Variants in SUCLG2 observed in about 807,000 individuals in gnomAD.
SUCLG2 encodes the protein succinate-CoA ligase GDP-forming subunit beta, also known as succinate--CoA ligase [GDP-forming] subunit beta, mitochondrial.
In SUCLG2, 42 loss-of-function variants were observed where a neutral mutation model predicts 47.9. That is an observed-to-expected ratio of 0.88 (90% CI 0.69 to 1.14). The LOEUF is 1.14. SUCLG2 is among the 50% of genes most tolerant of loss of function. The probability of loss-of-function intolerance (pLI) is 0.00; values close to 1 mark genes in which losing one functional copy is unlikely to be tolerated. For missense variants in SUCLG2, 571 were observed against 525.9 expected (o/e 1.09, Z -0.84); for synonymous variants, 195 against 197.3 (o/e 0.99, Z 0.10).
intron 2 of SUCLG2, among the ~76,000 whole-genome samples, chr3:67,557,188 C>G (rs190110950): frequency 6.6e-6 from 1 of 152,256 alleles, no homozygotes; most frequent in East Asian, 1.9e-4. Flanking sequence ...AATCTCCTTC[C>G]TAGTATCAAA....
At position 67,510,436 on chromosome 3, in the gene SUCLG2, G is replaced by A. The variant is rs151016391; in HGVS notation, c.661-1533C>T. ...TACATGTATATGATACAAAATTCCC[G>A]AAGAACTTAAGGGTTTTCCCTGATT... On this transcript the variant is annotated intron_variant, in intron 6 of 10. Coordinates refer to ENST00000307227, the MANE Select transcript of SUCLG2 (RefSeq NM_003848.4). 6.7e-3 allele frequency among the ~76,000 whole-genome samples: 1,025 copies of A among 152,082 alleles called. 9 individuals carry two copies. Among genetic ancestry groups the A allele is most frequent in the African/African-American group, 0.024 (977 of 41,468 alleles).
At chr3:67,652,442 T>C (rs1701303427) in intron 1 of SUCLG2, among the ~76,000 whole-genome samples, 1 of 152,192 alleles carries the variant, frequency 6.6e-6, no homozygotes, top group Non-Finnish European at 1.5e-5. Flanking sequence ...GGGCCATGTT[T>C]AACTGCAATG....
chr3:67,417,689 C>T (rs1703066668), intron 9 of SUCLG2, among the ~76,000 whole-genome samples: 1 of 152,016 alleles, frequency 6.6e-6, no homozygotes, highest in African/African-American at 2.4e-5. Context: ...AACACATAAC[C>T]CACAGATGTG....
chr3:67,509,363 T>C (rs1199410496), intron 6 of SUCLG2, among the ~76,000 whole-genome samples: 1 of 152,236 alleles, frequency 6.6e-6, no homozygotes, highest in East Asian at 1.9e-4. Context: ...CAACAATTAC[T>C]GAGTGTCTAA....
chr3:67,552,753 A>C (rs1379685088), intron 2 of SUCLG2, among the ~76,000 whole-genome samples: 2 of 152,238 alleles, frequency 1.3e-5, no homozygotes, highest in East Asian at 3.8e-4. Flanking sequence ...TCAAGGATGC[A>C]ATCTATGTAA....
intron 9 of SUCLG2, among the ~76,000 whole-genome samples, chr3:67,481,343 A>G (rs983073919): frequency 1.3e-5 from 2 of 152,246 alleles, no homozygotes; most frequent in Non-Finnish European, 1.5e-5. Flanking sequence ...GACCACGTGG[A>G]CCAGGACTTC....
intron 2 of SUCLG2, among the ~76,000 whole-genome samples, chr3:67,544,003 C>A (rs1006514502): frequency 6.6e-6 from 1 of 152,086 alleles, no homozygotes; most frequent in Non-Finnish European, 1.5e-5. Context: ...TAAAGAGTCA[C>A]GCAAGAAAAC....
intron 9 of SUCLG2, among the ~76,000 whole-genome samples, chr3:67,414,583 T>C (rs1354431787): frequency 2.6e-5 from 4 of 152,222 alleles, no homozygotes; most frequent in Non-Finnish European, 4.4e-5. Context: ...ATCTATCCAA[T>C]TGTTGCCATG....
chr3:67,415,915 C>G (rs1264367165), intron 9 of SUCLG2, among the ~76,000 whole-genome samples: 1 of 152,184 alleles, frequency 6.6e-6, no homozygotes, highest in African/African-American at 2.4e-5. Flanking sequence ...TATTGGGGCT[C>G]CTTCCTATTT....
chr3:67,605,231 C>T (rs1441188113), intron 2 of SUCLG2, among the ~76,000 whole-genome samples: 1 of 152,168 alleles, frequency 6.6e-6, no homozygotes, highest in African/African-American at 2.4e-5. Flanking sequence ...ATCTTAACCT[C>T]AAATCTATTT....
intron 2 of SUCLG2, among the ~76,000 whole-genome samples, chr3:67,537,102 G>A (rs1559562418): frequency 6.6e-6 from 1 of 152,072 alleles, no homozygotes; most frequent in Non-Finnish European, 1.5e-5. Context: ...CTGCTGGTTT[G>A]TTACATAGGT....
chr3:67,401,333 TTAA>T (rs1702679382), intron 9 of SUCLG2, among the ~76,000 whole-genome samples: 1 of 152,156 alleles, frequency 6.6e-6, no homozygotes, highest in African/African-American at 2.4e-5. Context: ...TCATGCTTCC[TTAA>T]TACCTCTTTG....
intron 9 of SUCLG2, among the ~76,000 whole-genome samples, chr3:67,495,508 T>C (rs1456239169): frequency 2.0e-5 from 3 of 151,870 alleles, no homozygotes; most frequent in Non-Finnish European, 4.4e-5. Flanking sequence ...AAAAGTTAGC[T>C]GGGCGTTGTG....
chr3:67,519,882 A>C (rs1379876366), intron 5 of SUCLG2, among the ~76,000 whole-genome samples: 1 of 152,180 alleles, frequency 6.6e-6, no homozygotes, highest in Non-Finnish European at 1.5e-5. Flanking sequence ...CTGATTTAAA[A>C]ATGAGGTTTG....
chr3:67,408,577 C>T (rs1702866580), intron 9 of SUCLG2: 24 of 973,926 alleles, frequency 2.5e-5, no homozygotes, highest in Non-Finnish European at 2.8e-5. Context: ...TTCAGGTTGA[C>T]CTCTGAAAGC....
chr3:67,589,141 T>A (rs932796328), intron 2 of SUCLG2, among the ~76,000 whole-genome samples: 1 of 152,206 alleles, frequency 6.6e-6, no homozygotes, highest in Non-Finnish European at 1.5e-5. Flanking sequence ...TTCCCTTAGA[T>A]CTTCTTGCAG....
chr3:67,499,558 C>A (rs531875058), intron 7 of SUCLG2, among the ~76,000 whole-genome samples: 4 of 152,236 alleles, frequency 2.6e-5, no homozygotes, highest in Admixed American at 2.0e-4. Flanking sequence ...GACTACAGGG[C>A]ACTTTCCTTG....
chr3:67,452,373 T>C (rs1198418963), intron 9 of SUCLG2, among the ~76,000 whole-genome samples: 2 of 152,224 alleles, frequency 1.3e-5, no homozygotes, highest in Non-Finnish European at 2.9e-5. Context: ...AAATATTTTC[T>C]AAAAATTTGG....
At chr3:67,481,675 G>A (rs1405498590) in intron 9 of SUCLG2, among the ~76,000 whole-genome samples, 1 of 152,114 alleles carries the variant, frequency 6.6e-6, no homozygotes, top group Non-Finnish European at 1.5e-5. Flanking sequence ...GTATAATATT[G>A]CTCTATACTG....
Sources: allele counts gnomAD v4.1 joint callset (sites outside exome capture counted in the v4.1 genomes callset), GRCh38; gene constraint gnomAD v4.1.1; transcripts MANE v1.5; gene names NCBI Gene and HGNC (gene_info 2026-07-23, HGNC 2026-07-21).